Variants in STK4 observed in about 807,000 individuals in gnomAD.
STK4 encodes serine/threonine-protein kinase 4.
A neutral mutation model predicts 64.9 loss-of-function variants in STK4; 30 were observed. The observed-to-expected ratio is 0.46, with a 90% CI of 0.35 to 0.63. STK4 has a LOEUF of 0.63. Ranked by LOEUF, STK4 falls within the 20% of genes least tolerant of loss-of-function variation. The pLI, the probability that STK4 is intolerant of heterozygous loss-of-function variation, is 0.01. For synonymous variants in STK4, 177 were observed against 199.0 expected, an observed-to-expected ratio of 0.89 and a Z score of 0.93; for missense variants, 466 against 598.5, an observed-to-expected ratio of 0.78 and a Z score of 2.31.
At chr20:45,068,070 A>G (rs1431758891) in intron 10 of STK4, among the ~76,000 whole-genome samples, 2 of 152,230 alleles carry the variant, frequency 1.3e-5, no homozygotes, top group Non-Finnish European at 2.9e-5. Flanking sequence ...GCATGACATT[A>G]TGTTATATAC....
chr20:44,980,668 A>AT (rs2067421144), intron 3 of STK4, among the ~76,000 whole-genome samples: 1 of 152,002 alleles, frequency 6.6e-6, no homozygotes, highest in Non-Finnish European at 1.5e-5. Flanking sequence ...AGAAATCATC[A>AT]TTTTTTCTTT....
At chr20:45,042,740 T>G (rs184366219) in intron 10 of STK4, among the ~76,000 whole-genome samples, 1 of 148,362 alleles carries the variant, frequency 6.7e-6, no homozygotes, top group East Asian at 1.9e-4. Context: ...TTGATGGTAA[T>G]TTATTGTACT....
chr20:45,032,325 GA>G (rs2068459020), intron 10 of STK4, among the ~76,000 whole-genome samples: 1 of 152,116 alleles, frequency 6.6e-6, no homozygotes, highest in African/African-American at 2.4e-5. Flanking sequence ...TTACACAGGT[GA>G]ATTGTGTGTC....
intron 5 of STK4, among the ~76,000 whole-genome samples, chr20:44,987,780 G>T (rs1385224776): frequency 6.6e-6 from 1 of 151,718 alleles, no homozygotes; most frequent in East Asian, 1.9e-4. Flanking sequence ...AAAAAAACTT[G>T]TTTTCAAAAT....
chr20:44,976,759 T>A (rs948893189), intron 2 of STK4, among the ~76,000 whole-genome samples: 11 of 152,258 alleles, frequency 7.2e-5, no homozygotes, highest in African/African-American at 1.4e-4. Flanking sequence ...AACTAAATAA[T>A]ACATCTGGGG....
chr20:45,014,734 G>T (rs2068111416), intron 9 of STK4, among the ~76,000 whole-genome samples: 1 of 152,096 alleles, frequency 6.6e-6, no homozygotes, highest in Non-Finnish European at 1.5e-5. Flanking sequence ...TTCCTCTCAG[G>T]ATTCATTGGC....
chr20:45,027,088 C>A (rs1055914290), intron 10 of STK4, among the ~76,000 whole-genome samples: 1 of 152,180 alleles, frequency 6.6e-6, no homozygotes, highest in East Asian at 1.9e-4. Context: ...ATCCTCAAAT[C>A]TGTAGTACTT....
Position 44,981,923 on chromosome 20 carries a change from A to G in STK4, c.340A>G (p.Ile114Val), listed in dbSNP as rs2145653234. 1 of 1,613,412 alleles carries G rather than the reference A, an allele frequency of 6.2e-7. No homozygotes were observed. Reference protein sequence around the residue: ...YCGAGSVSDIIRLRNKTLTED... With the variant: ...YCGAGSVSDIVRLRNKTLTED... ...TGGGGCTGGTTCTGTATCTGATATC[A>G]TTCGATTACGAAATAAAACGGTAGG... is the stretch of plus-strand genomic sequence containing the variant. Residue 114 changes from isoleucine to valine, a missense_variant, in exon 4 of 11, where the codon ATT becomes GTT. Physicochemically the swap from Ile to Val is conservative, Grantham distance 29. Transcript: ENST00000372806.
At chr20:45,003,808 C>T (rs1383528359) in intron 9 of STK4, among the ~76,000 whole-genome samples, 2 of 150,950 alleles carry the variant, frequency 1.3e-5, no homozygotes, top group Admixed American at 1.3e-4. Flanking sequence ...CCTCCACCTC[C>T]CGGGTTCAAG....
intron 10 of STK4, among the ~76,000 whole-genome samples, chr20:45,044,053 A>G (rs2068655173): frequency 6.6e-6 from 1 of 152,210 alleles, no homozygotes; most frequent in South Asian, 2.1e-4. Context: ...ATTGATTACC[A>G]AAGTGATCAT....
At chr20:44,971,625 T>C (rs1378020529) in intron 1 of STK4, among the ~76,000 whole-genome samples, 1 of 151,448 alleles carries the variant, frequency 6.6e-6, no homozygotes, top group Non-Finnish European at 1.5e-5. Context: ...TTTTGAAGGA[T>C]ACATCGAATG....
chr20:45,056,099 T>C (rs887058054), intron 10 of STK4, among the ~76,000 whole-genome samples: 1 of 152,218 alleles, frequency 6.6e-6, no homozygotes, highest in African/African-American at 2.4e-5. Context: ...TTCAACTACC[T>C]GCCACAATTT....
At chr20:44,979,489 T>G (rs1291535774) in intron 3 of STK4, among the ~76,000 whole-genome samples, 1 of 152,132 alleles carries the variant, frequency 6.6e-6, no homozygotes, top group Non-Finnish European at 1.5e-5. Flanking sequence ...CATGGGTTGG[T>G]CACTGATAGA....
intron 2 of STK4, among the ~76,000 whole-genome samples, chr20:44,978,168 T>G (rs2067371901): frequency 6.6e-6 from 1 of 152,220 alleles, no homozygotes; most frequent in Admixed American, 6.5e-5. Context: ...CTCTAGCAGA[T>G]AGCAGGCATG....
intron 7 of STK4, among the ~76,000 whole-genome samples, chr20:44,999,137 A>G (rs888661309): frequency 1.3e-5 from 2 of 152,188 alleles, no homozygotes; most frequent in African/African-American, 4.8e-5. Context: ...AGTAAAAAGA[A>G]TGAGTGGACA....
At chr20:44,997,368 C>T (rs2067753476) in intron 7 of STK4, 62 bp downstream of exon 7, 1 of 1,532,154 alleles carries the variant, frequency 6.5e-7, no homozygotes, top group East Asian at 2.3e-5. Flanking sequence ...CAAAAGATGC[C>T]ATGAGGTCAC....
chr20:44,984,089 G>C (rs2067486429), intron 4 of STK4, among the ~76,000 whole-genome samples: 2 of 140,054 alleles, frequency 1.4e-5, no homozygotes, highest in South Asian at 4.5e-4. Context: ...AATTTTGATG[G>C]CACTTTTGGT....
rs192267977 is a variant in STK4 at position 45,052,175 on chromosome 20, A to G, written c.1306-22843A>G. 8.6e-4 allele frequency among the ~76,000 whole-genome samples: 131 copies of G among 152,292 alleles called. 2 individuals are homozygous for G. Among genetic ancestry groups the G allele is most frequent in the South Asian group, 4.1e-3 (20 of 4,826 alleles). ...TGGTTTGCTCTTCTATAATGTTACA[A>G]TGCTATTTTGTTAACCTTCTAGTTG... is the stretch of plus-strand genomic sequence containing the variant. On this transcript the variant is annotated intron_variant, in intron 10 of 10. Transcript: ENST00000372806.
chr20:44,989,893 T>G (rs1486316232), intron 5 of STK4, among the ~76,000 whole-genome samples: 1 of 152,186 alleles, frequency 6.6e-6, no homozygotes, highest in Non-Finnish European at 1.5e-5. Context: ...TCTATTCCAT[T>G]GACCTATATG....
Sources: allele counts gnomAD v4.1 joint callset (sites outside exome capture counted in the v4.1 genomes callset), GRCh38; gene constraint gnomAD v4.1.1; transcripts MANE v1.5; gene names NCBI Gene and HGNC (gene_info 2026-07-23, HGNC 2026-07-21).